METTL21A: variants seen among roughly 807,000 people sequenced by gnomAD.
The protein encoded by METTL21A is methyltransferase 21A, HSPA lysine.
Under a neutral mutation model 20.9 loss-of-function variants are expected in METTL21A, and 22 were observed. The ratio of observed to expected loss-of-function variants is 1.05; its 90% CI spans 0.75 to 1.50. METTL21A has a LOEUF of 1.50. Ranked by LOEUF, METTL21A falls within the 40% of genes most tolerant of loss-of-function variation. The pLI, the probability that METTL21A is intolerant of heterozygous loss-of-function variation, is 0.00. For missense variants in METTL21A, 271 were observed against 266.8 expected (o/e 1.02, Z -0.11); for synonymous variants, 93 against 102.0 (o/e 0.91, Z 0.53).
chr2:207,618,300 A>G (rs916488090), intron 3 of METTL21A, among the ~76,000 whole-genome samples: 4 of 152,036 alleles, frequency 2.6e-5, no homozygotes, highest in African/African-American at 9.7e-5. Flanking sequence ...ATGTTCCAAG[A>G]CCCCCAGTGG....
chr2:207,593,061 T>C (rs376157653), intron 3 of METTL21A, among the ~76,000 whole-genome samples: 1 of 152,346 alleles, frequency 6.6e-6, no homozygotes, highest in East Asian at 1.9e-4. Context: ...GTTCACTGAT[T>C]GTTTCCTCAG....
intron 3 of METTL21A, among the ~76,000 whole-genome samples, chr2:207,584,450 C>G (rs561973052): frequency 5.3e-5 from 8 of 152,284 alleles, no homozygotes; most frequent in African/African-American, 1.7e-4. Flanking sequence ...GTCACCCAGG[C>G]TGGAGTGCAG....
At chr2:207,607,844 T>C (rs1158686569), downstream of METTL21A, among the ~76,000 whole-genome samples, 2 of 151,598 alleles carry the variant, frequency 1.3e-5, no homozygotes, top group African/African-American at 2.4e-5. Flanking sequence ...GTTTCTATCT[T>C]TGAAAACAAA....
intron 3 of METTL21A, chr2:207,620,515 T>G: frequency 2.2e-6 from 1 of 447,986 alleles, no homozygotes; most frequent in Non-Finnish European, 3.7e-6. Flanking sequence ...AAGCCTGGTT[T>G]TGAGTCCCAG....
downstream of METTL21A, chr2:207,581,400 C>T (rs369806806): frequency 1.3e-4 from 27 of 201,438 alleles, no homozygotes; most frequent in African/African-American, 4.8e-4. Context: ...AAGATGTTCT[C>T]GGACAAAAGC....
At chr2:207,584,500 T>C (rs1205125200) in intron 3 of METTL21A, among the ~76,000 whole-genome samples, 1 of 152,082 alleles carries the variant, frequency 6.6e-6, no homozygotes, top group Non-Finnish European at 1.5e-5. Flanking sequence ...GCCTCCTGGG[T>C]TCAAGAGATT....
intron 3 of METTL21A, among the ~76,000 whole-genome samples, chr2:207,592,658 C>T (rs866638580): frequency 3.9e-5 from 6 of 152,046 alleles, no homozygotes; most frequent in East Asian, 1.9e-4. Flanking sequence ...CAGTGGCTCA[C>T]GCATGTAATC....
intron 3 of METTL21A, among the ~76,000 whole-genome samples, chr2:207,614,545 G>A (rs1575122619): frequency 6.6e-6 from 1 of 152,318 alleles, no homozygotes; most frequent in African/African-American, 2.4e-5. Context: ...CTGTTATGAA[G>A]CAGCCAACTT....
In METTL21A at chr2:207,594,817, A is replaced by G. The variant is rs190393717; in HGVS notation, c.260-12657T>C. On this transcript the variant is annotated intron_variant, in intron 3 of 3. Coordinates refer to the METTL21A transcript ENST00000425132. ...CCATTCCATTTTCCATAGCAGCTGC[A>G]CCATTTTACATTCCTACCAACAGTA... 5.8e-3 allele frequency among the ~76,000 whole-genome samples: 878 copies of G among 152,180 alleles called. 4 individuals are homozygous for G. The highest frequency in any genetic ancestry group is 9.9e-3 in the Non-Finnish European group (676 of 68,010).
exon 4 of METTL21A, chr2:207,612,983 G>C: frequency 6.9e-7 from 1 of 1,446,864 alleles, no homozygotes; most frequent in Non-Finnish European, 9.3e-7. Context: ...AATATGGTTA[G>C]ATTTGCAGTC....
downstream of METTL21A, among the ~76,000 whole-genome samples, chr2:207,604,670 AACC>A (rs147476972): frequency 0.012 from 1,890 of 152,330 alleles, 23 homozygotes; most frequent in African/African-American, 0.03. Flanking sequence ...AATGGTGTAC[AACC>A]ACCACTTCTA....
chr2:207,600,461 AG>A (rs541521562), intron 3 of METTL21A: 141 of 198,696 alleles, frequency 7.1e-4, no homozygotes, highest in African/African-American at 3.1e-3. Flanking sequence ...ATTTTTTATT[AG>A]TTTTCTTTGG....
intron 3 of METTL21A, among the ~76,000 whole-genome samples, chr2:207,596,536 C>T (rs897537300): frequency 6.6e-5 from 10 of 152,180 alleles, no homozygotes; most frequent in Non-Finnish European, 1.3e-4. Context: ...CAGGTTCAAG[C>T]GATGCCCATG....
At chr2:207,622,843 G>C (rs2107323861) in intron 2 of METTL21A, among the ~76,000 whole-genome samples, 1 of 151,998 alleles carries the variant, frequency 6.6e-6, no homozygotes, top group South Asian at 2.1e-4. Flanking sequence ...CGCATACTGT[G>C]AGTATAATTG....
intron 3 of METTL21A, among the ~76,000 whole-genome samples, chr2:207,618,301 C>A (rs985577541): frequency 4.6e-5 from 7 of 152,100 alleles, no homozygotes; most frequent in Non-Finnish European, 8.8e-5. Context: ...TGTTCCAAGA[C>A]CCCCAGTGGA....
intron 3 of METTL21A, among the ~76,000 whole-genome samples, chr2:207,594,668 T>C (rs911989455): frequency 1.3e-5 from 2 of 152,196 alleles, no homozygotes; most frequent in African/African-American, 4.8e-5. Context: ...TGAATAATGC[T>C]GCAATGAACA....
At chr2:207,582,930 T>TAC (rs1559059377) in intron 3 of METTL21A, 2 of 244,086 alleles carry the variant, frequency 8.2e-6, no homozygotes, top group Non-Finnish European at 1.7e-5. Flanking sequence ...TATATATATA[T>TAC]ACATACACAC....
At chr2:207,594,230 T>TA (rs1363421352) in intron 3 of METTL21A, among the ~76,000 whole-genome samples, 4 of 152,168 alleles carry the variant, frequency 2.6e-5, no homozygotes, top group African/African-American at 2.4e-5. Flanking sequence ...TTAATTGTGG[T>TA]AAAAAATATA....
At chr2:207,590,412 A>G (rs933128394) in intron 3 of METTL21A, among the ~76,000 whole-genome samples, 14 of 151,848 alleles carry the variant, frequency 9.2e-5, no homozygotes, top group African/African-American at 3.4e-4. Context: ...TAAGCAACCA[A>G]AATTCTTAGT....
Sources: allele counts gnomAD v4.1 joint callset (sites outside exome capture counted in the v4.1 genomes callset), GRCh38; gene constraint gnomAD v4.1.1; transcripts MANE v1.5; gene names NCBI Gene and HGNC (gene_info 2026-07-23, HGNC 2026-07-21).